Variants in CSMD3 observed in about 807,000 individuals in gnomAD.
CSMD3 encodes the protein CUB and Sushi multiple domains 3, also known as CUB and sushi domain-containing protein 3.
Under a neutral mutation model 435.2 loss-of-function variants are expected in CSMD3, and 177 were observed. The observed-to-expected ratio is 0.41, with a 90% CI of 0.36 to 0.46. The LOEUF (loss-of-function observed/expected upper bound fraction) is 0.46, where lower values mean the gene tolerates loss of function less well. CSMD3 is among the 20% of genes least tolerant of loss of function. The pLI, the probability that CSMD3 is intolerant of heterozygous loss-of-function variation, is 0.34. For missense variants in CSMD3, 4,265 were observed against 4,504.6 expected (o/e 0.95, Z 1.52); for synonymous variants, 1,656 against 1,520.5 (o/e 1.09, Z -2.07).
chr8:112,959,936 T>C (rs919241065), intron 7 of CSMD3, among the ~76,000 whole-genome samples: 3 of 151,868 alleles, frequency 2.0e-5, no homozygotes, highest in Non-Finnish European at 1.5e-5. Flanking sequence ...TCTGAGTCTA[T>C]AAGACATGGG....
chr8:112,472,545 AG>A, intron 32 of CSMD3, 45 bp downstream of exon 32: 1 of 1,008,974 alleles, frequency 9.9e-7, no homozygotes, highest in Non-Finnish European at 1.6e-6. Context: ...TGAAAAATAA[AG>A]CATGTCTGGA....
chr8:113,268,084 A>T (rs2093487082), intron 3 of CSMD3, among the ~76,000 whole-genome samples: 1 of 151,790 alleles, frequency 6.6e-6, no homozygotes, highest in Admixed American at 6.6e-5. Flanking sequence ...GTAGGTTCTC[A>T]TATACTCTTT....
intron 6 of CSMD3, among the ~76,000 whole-genome samples, chr8:112,992,672 T>A (rs1194247685): frequency 6.6e-6 from 1 of 151,840 alleles, no homozygotes; most frequent in Non-Finnish European, 1.5e-5. Context: ...TGTAGGCTAT[T>A]GTAAGAAGTT....
At chr8:112,343,322 C>G (rs1211739108) in intron 41 of CSMD3, among the ~76,000 whole-genome samples, 1 of 151,992 alleles carries the variant, frequency 6.6e-6, no homozygotes. Flanking sequence ...CATGCTGGTT[C>G]AAATCTGTTG....
chr8:112,808,032 T>G (rs1452179007), intron 12 of CSMD3, among the ~76,000 whole-genome samples: 3 of 152,118 alleles, frequency 2.0e-5, no homozygotes, highest in African/African-American at 7.2e-5. Context: ...TACATAAAAA[T>G]AAAATTATTC....
At chr8:112,519,135 CA>C (rs1306586407) in intron 27 of CSMD3, among the ~76,000 whole-genome samples, 2 of 151,966 alleles carry the variant, frequency 1.3e-5, no homozygotes, top group African/African-American at 4.8e-5. Context: ...GACACAGAGC[CA>C]AACCATATCA....
At chr8:112,529,741 T>C (rs1031331978) in intron 27 of CSMD3, among the ~76,000 whole-genome samples, 5 of 152,084 alleles carry the variant, frequency 3.3e-5, no homozygotes, top group African/African-American at 2.4e-5. Context: ...GTGTGTATAA[T>C]TGGATAATAC....
intron 3 of CSMD3, among the ~76,000 whole-genome samples, chr8:113,278,296 G>T (rs1346900156): frequency 6.6e-6 from 1 of 151,742 alleles, no homozygotes; most frequent in African/African-American, 2.4e-5. Context: ...GTAGGGTAGG[G>T]TCTGTGATGC....
At chr8:113,382,129 GA>G (rs1411555367) in intron 1 of CSMD3, among the ~76,000 whole-genome samples, 1 of 152,026 alleles carries the variant, frequency 6.6e-6, no homozygotes, top group African/African-American at 2.4e-5. Flanking sequence ...CCTAGATGTG[GA>G]ATTGTTTTTA....
intron 45 of CSMD3, among the ~76,000 whole-genome samples, chr8:112,326,887 C>A (rs898581568): frequency 6.6e-6 from 1 of 151,732 alleles, no homozygotes; most frequent in African/African-American, 2.4e-5. Context: ...ACAGGTGTGG[C>A]GGTGCATGCC....
chr8:113,356,286 T>C (rs1277003532), intron 1 of CSMD3, among the ~76,000 whole-genome samples: 4 of 152,054 alleles, frequency 2.6e-5, no homozygotes, highest in East Asian at 1.9e-4. Flanking sequence ...AATTAATGCA[T>C]AAAATGACCA....
At chr8:113,321,994 AT>A (rs973338399) in intron 1 of CSMD3, among the ~76,000 whole-genome samples, 1 of 152,176 alleles carries the variant, frequency 6.6e-6, no homozygotes, top group African/African-American at 2.4e-5. Flanking sequence ...TTTGTTTTAA[AT>A]TTTTTAATAT....
chr8:112,437,882 C>T (rs768555), intron 32 of CSMD3, among the ~76,000 whole-genome samples: 2,672 of 152,104 alleles, frequency 0.018, 82 homozygotes, highest in African/African-American at 0.061. Context: ...TATACGTCAG[C>T]GATGTCTCTC....
At chr8:112,934,222 G>C (rs1233935749) in intron 9 of CSMD3, among the ~76,000 whole-genome samples, 1 of 152,134 alleles carries the variant, frequency 6.6e-6, no homozygotes, top group Non-Finnish European at 1.5e-5. Context: ...GACTCTGACA[G>C]TGGTTGGAGA....
chr8:112,683,219 T>C (rs2075940083), intron 15 of CSMD3, among the ~76,000 whole-genome samples: 1 of 152,032 alleles, frequency 6.6e-6, no homozygotes, highest in Admixed American at 6.6e-5. Context: ...TTCCAAGCAC[T>C]GTGATATGTT....
chr8:113,271,061 G>A (rs780208472), intron 3 of CSMD3, among the ~76,000 whole-genome samples: 1 of 151,882 alleles, frequency 6.6e-6, no homozygotes, highest in Non-Finnish European at 1.5e-5. Flanking sequence ...GGATATTTTA[G>A]GGTATCTGGT....
chr8:112,645,121 T>C lies in CSMD3; in HGVS notation c.3298A>G (p.Thr1100Ala), dbSNP rs2074943545. Residue 1100 changes from threonine to alanine, a missense_variant, in exon 20 of 71, where the codon ACC (threonine) becomes GCC (alanine). This residue lies in a region of CSMD3 where 3,255 missense variants were observed against 3,380.2 expected (regional missense o/e 0.96). Coordinates refer to ENST00000297405, the MANE Select transcript of CSMD3 (RefSeq NM_198123.2). ...TGAGGCAAATTACCTTTTCCATGGG[T>C]TACATCAACAGTCCATGTACAATTC... ...SLNCTWTVDV[T>A]HGKGVQFNFH... is the part of the protein sequence containing the mutation. 2.6e-6 allele frequency: 4 copies of C among 1,548,064 alleles called. No homozygotes were observed. In the East Asian group the frequency reaches 6.7e-5, roughly 26 times the overall value.
chr8:113,032,357 G>T (rs2087148274), intron 5 of CSMD3, among the ~76,000 whole-genome samples: 1 of 151,580 alleles, frequency 6.6e-6, no homozygotes, highest in South Asian at 2.1e-4. Context: ...GGTTGAGGTG[G>T]TCTCAGATGG....
intron 4 of CSMD3, among the ~76,000 whole-genome samples, chr8:113,170,911 G>A (rs1185020664): frequency 2.0e-5 from 3 of 151,820 alleles, no homozygotes; most frequent in African/African-American, 7.3e-5. Context: ...ATAGAAGTTA[G>A]AGTGGTGGTC....
Sources: gnomAD v4.1 joint callset for allele counts (sites outside exome capture counted in the v4.1 genomes callset) on GRCh38, gnomAD v4.1.1 for gene constraint, gnomAD v4.1.1 regional missense constraint, MANE v1.5 for transcripts, NCBI Gene and HGNC (gene_info 2026-07-23, HGNC 2026-07-21) for gene names.